Variants in GRIN2B observed in about 807,000 individuals in gnomAD.
GRIN2B encodes glutamate receptor ionotropic, NMDA 2B.
In GRIN2B, 5 loss-of-function variants were observed where a neutral mutation model predicts 114.5. The ratio of observed to expected loss-of-function variants is 0.04; its 90% confidence interval spans 0.02 to 0.09. The LOEUF is 0.09. Ranked by LOEUF, GRIN2B falls within the 10% of genes least tolerant of loss-of-function variation. GRIN2B has a pLI of 1.00. For missense variants in GRIN2B, 1,108 were observed against 1,943.5 expected, an observed-to-expected ratio of 0.57 and a Z score of 8.08; for synonymous variants, 787 against 745.1, an observed-to-expected ratio of 1.06 and a Z score of -0.92.
At chr12:13,880,565 A>G (rs2136764132) in intron 2 of GRIN2B, among the ~76,000 whole-genome samples, 1 of 152,342 alleles carries the variant, frequency 6.6e-6, no homozygotes, top group Non-Finnish European at 1.5e-5. Context: ...CTGGCTTATT[A>G]CAGCATGGAA....
chr12:13,883,457 C>T (rs186523145), intron 2 of GRIN2B, among the ~76,000 whole-genome samples: 18 of 152,016 alleles, frequency 1.2e-4, no homozygotes, highest in Admixed American at 9.8e-4. Flanking sequence ...TCTTACCTGC[C>T]TTTGGTCCTT....
intron 3 of GRIN2B, among the ~76,000 whole-genome samples, chr12:13,824,125 G>T (rs951101044): frequency 8.6e-5 from 13 of 152,030 alleles, no homozygotes; most frequent in Non-Finnish European, 5.9e-5. Context: ...TTATTGGTAG[G>T]AAAAGAATAC....
chr12:13,717,836 C>G (rs768284866), intron 4 of GRIN2B, among the ~76,000 whole-genome samples: 1 of 151,950 alleles, frequency 6.6e-6, no homozygotes, highest in Non-Finnish European at 1.5e-5. Context: ...ATCACAGTAT[C>G]TTTTTCTGTT....
chr12:13,563,941 G>C lies in GRIN2B; in HGVS notation c.3297C>G (p.Arg1099=), dbSNP rs1277659093. ...CCAGCTCGATCTCGTCAAACTCCCT[G>C]CGGGACTTGGCCGAGGCAGGCCGCT... The part of the protein sequence containing the change: ...LKKRPASAKS[R]REFDEIELAY... The change falls in exon 14 of 14, where the codon CGC becomes CGG. Residue 1099 remains arginine (R), a synonymous_variant. Coordinates refer to ENST00000609686, the MANE Select transcript of GRIN2B (RefSeq NM_000834.5). 6.2e-7 allele frequency: 1 copy of C among 1,614,200 alleles called. No homozygotes were observed. The highest frequency in any genetic ancestry group is 2.2e-5 in the East Asian group (1 of 44,874).
intron 5 of GRIN2B, among the ~76,000 whole-genome samples, chr12:13,673,683 A>G (rs748660586): frequency 1.2e-4 from 18 of 152,088 alleles, no homozygotes; most frequent in Non-Finnish European, 2.6e-4. Flanking sequence ...CTAGTTCTAG[A>G]AAGGGGTAGG....
intron 3 of GRIN2B, among the ~76,000 whole-genome samples, chr12:13,846,682 C>T (rs997272896): frequency 2.0e-5 from 3 of 152,076 alleles, no homozygotes; most frequent in South Asian, 2.1e-4. Context: ...CCGGAAGCCA[C>T]GAAGGGCCCA....
At chr12:13,724,366 C>T (rs932873951) in intron 4 of GRIN2B, among the ~76,000 whole-genome samples, 1 of 152,062 alleles carries the variant, frequency 6.6e-6, no homozygotes, top group African/African-American at 2.4e-5. Context: ...TAGGAGTGAA[C>T]TTTGAGGAAG....
intron 3 of GRIN2B, among the ~76,000 whole-genome samples, chr12:13,836,318 A>T (rs1218507360): frequency 6.6e-6 from 1 of 152,194 alleles, no homozygotes; most frequent in African/African-American, 2.4e-5. Flanking sequence ...TTATTCGGCC[A>T]CACCTGTAAC....
chr12:13,850,778 A>C (rs1259343119), intron 3 of GRIN2B, among the ~76,000 whole-genome samples: 1 of 152,192 alleles, frequency 6.6e-6, no homozygotes, highest in Non-Finnish European at 1.5e-5. Flanking sequence ...AAAAGTGTTC[A>C]AAATAAAGTG....
chr12:13,664,435 C>A (rs757183411), intron 5 of GRIN2B, among the ~76,000 whole-genome samples: 2 of 152,058 alleles, frequency 1.3e-5, no homozygotes, highest in African/African-American at 4.8e-5. Context: ...TTGAAATAAT[C>A]TTTAAGAATA....
rs78621799 is a variant in GRIN2B, at chr12:13,811,964, C to T, written c.411+53834G>A. Among the ~76,000 whole-genome samples, 1,367 of 152,258 alleles carry T rather than the reference C, an allele frequency of 9.0e-3. 7 individuals are homozygous for T. The highest frequency in any genetic ancestry group is 0.014 in the Non-Finnish European group (926 of 68,030). On this transcript the variant is annotated intron_variant, in intron 3 of 13. Coordinates refer to ENST00000609686, the MANE Select transcript of GRIN2B (RefSeq NM_000834.5). Reference sequence around the variant, plus strand: ...TTCCCTGAAACTGCATGCAGCATTTCGTAAGTGGATACTTTTCCAGAAAAG... The same window carrying T: ...TTCCCTGAAACTGCATGCAGCATTTTGTAAGTGGATACTTTTCCAGAAAAG...
chr12:13,644,546 C>T (rs553469910), intron 5 of GRIN2B, among the ~76,000 whole-genome samples: 1 of 152,168 alleles, frequency 6.6e-6, no homozygotes, highest in African/African-American at 2.4e-5. Flanking sequence ...TAGTCCCTAA[C>T]AGGAGAGTCA....
intron 5 of GRIN2B, among the ~76,000 whole-genome samples, chr12:13,640,086 C>T (rs766894962): frequency 8.6e-5 from 13 of 151,926 alleles, no homozygotes; most frequent in South Asian, 4.2e-4. Context: ...CCCTGGTAGA[C>T]GTAAAATGTA....
At position 13,546,887 on chromosome 12, in the gene GRIN2B, C is replaced by T. The variant is rs747299638; in HGVS notation, c.*15896G>A. 2.6e-5 allele frequency: 4 copies of T among 152,142 alleles called. No homozygotes were observed. The highest frequency in any genetic ancestry group is 4.4e-5 in the Non-Finnish European group (3 of 68,042). 9.4% of individuals were successfully genotyped at this position (152,142 alleles called of 1,614,324 possible). ...CACAACAGGCATCTTGACCAGAGCA[C>T]CAGGACACATGCTCAGAGGTGGCTT... On this transcript the variant is annotated 3_prime_UTR_variant, in exon 14 of 14. Transcript: ENST00000609686.
At chr12:13,863,225 T>C (rs1865776142) in intron 3 of GRIN2B, among the ~76,000 whole-genome samples, 2 of 152,214 alleles carry the variant, frequency 1.3e-5, no homozygotes, top group South Asian at 4.1e-4. Context: ...GGGTCCTCTA[T>C]GGAACTGTGC....
chr12:13,950,889 G>A (rs1011180226), intron 2 of GRIN2B, among the ~76,000 whole-genome samples: 31 of 152,112 alleles, frequency 2.0e-4, no homozygotes, highest in African/African-American at 7.2e-4. Context: ...AATTCAACAT[G>A]GAATGACAGG....
At chr12:13,748,355 T>C (rs538750957) in intron 4 of GRIN2B, among the ~76,000 whole-genome samples, 3 of 152,276 alleles carry the variant, frequency 2.0e-5, no homozygotes, top group South Asian at 4.1e-4. Context: ...AGGTGTACCA[T>C]CACGTGAGTG....
intron 2 of GRIN2B, among the ~76,000 whole-genome samples, chr12:13,898,772 G>A (rs1006207386): frequency 3.3e-5 from 5 of 152,194 alleles, no homozygotes; most frequent in African/African-American, 9.7e-5. Context: ...TTAGCTAGGC[G>A]TGGCAGCACA....
chr12:13,746,324 G>A (rs2110982), intron 4 of GRIN2B, among the ~76,000 whole-genome samples: 24,832 of 152,034 alleles, frequency 0.16, 2,606 homozygotes, highest in Middle Eastern at 0.31. Flanking sequence ...ATATACCTAT[G>A]ACCCGCTTTT....
Sources: gnomAD v4.1 joint callset for allele counts (sites outside exome capture counted in the v4.1 genomes callset) on GRCh38, gnomAD v4.1.1 for gene constraint, MANE v1.5 for transcripts, NCBI Gene and HGNC (gene_info 2026-07-23, HGNC 2026-07-21) for gene names.